The following NR3C2 variants were observed in gnomAD, a reference collection of about 807,000 sequenced individuals.
NR3C2 encodes mineralocorticoid receptor.
NR3C2 carries 15 observed loss-of-function variants against 86.4 expected under a neutral mutation model. The ratio of observed to expected loss-of-function variants is 0.17; its 90% confidence interval spans 0.12 to 0.27. The LOEUF is 0.27. Ranked by LOEUF, NR3C2 falls within the 10% of genes least tolerant of loss-of-function variation. The probability of loss-of-function intolerance (pLI) is 1.00; values close to 1 mark genes in which losing one functional copy is unlikely to be tolerated. For missense variants in NR3C2, 960 were observed against 1,195.6 expected, an observed-to-expected ratio of 0.80 and a Z score of 2.91; for synonymous variants, 458 against 450.5, an observed-to-expected ratio of 1.02 and a Z score of -0.21.
chr4:148,348,169 G>A (rs1003269372), intron 2 of NR3C2, among the ~76,000 whole-genome samples: 1 of 152,066 alleles, frequency 6.6e-6, no homozygotes, highest in Non-Finnish European at 1.5e-5. Flanking sequence ...TCATCTCAGA[G>A]CAGCCCGGTC....
chr4:148,223,627 C>G (rs915439618), intron 3 of NR3C2, among the ~76,000 whole-genome samples: 2 of 151,984 alleles, frequency 1.3e-5, no homozygotes, highest in African/African-American at 4.8e-5. Flanking sequence ...TTTAGGGATA[C>G]AGAAGAGTCT....
At chr4:148,278,013 T>C (rs1008645699) in intron 2 of NR3C2, among the ~76,000 whole-genome samples, 4 of 152,266 alleles carry the variant, frequency 2.6e-5, no homozygotes, top group African/African-American at 4.8e-5. Flanking sequence ...GATGGAATTC[T>C]ATGCTATTAA....
intron 2 of NR3C2, among the ~76,000 whole-genome samples, chr4:148,274,334 AAAT>A (rs2149888903): frequency 6.6e-6 from 1 of 152,330 alleles, no homozygotes; most frequent in Non-Finnish European, 1.5e-5. Flanking sequence ...TTTTCAAGAA[AAAT>A]AATGGCACAG....
intron 2 of NR3C2, among the ~76,000 whole-genome samples, chr4:148,311,056 A>G (rs1017317862): frequency 1.3e-5 from 2 of 152,088 alleles, no homozygotes; most frequent in Non-Finnish European, 1.5e-5. Flanking sequence ...TTCTTGAAAT[A>G]TGTTCTTTGT....
chr4:148,231,298 T>C (rs1406417219), intron 3 of NR3C2, among the ~76,000 whole-genome samples: 1 of 152,286 alleles, frequency 6.6e-6, no homozygotes, highest in Non-Finnish European at 1.5e-5. Context: ...GCTATAACCA[T>C]TGATAAATTC....
At chr4:148,346,070 G>A (rs547210492) in intron 2 of NR3C2, among the ~76,000 whole-genome samples, 1 of 152,206 alleles carries the variant, frequency 6.6e-6, no homozygotes, top group South Asian at 2.1e-4. Flanking sequence ...AGAAGTGAAG[G>A]AAAGCAAAGA....
chr4:148,094,697 A>G (rs1039910725), intron 8 of NR3C2, among the ~76,000 whole-genome samples: 4 of 151,584 alleles, frequency 2.6e-5, no homozygotes, highest in Admixed American at 2.6e-4. Flanking sequence ...CCTGGGCAAC[A>G]AGAGCAAAAC....
intron 2 of NR3C2, among the ~76,000 whole-genome samples, chr4:148,355,878 T>C (rs553106454): frequency 5.4e-4 from 82 of 152,334 alleles, no homozygotes; most frequent in African/African-American, 1.8e-3. Flanking sequence ...ACCTGCTACC[T>C]GACCCTGGCC....
At chr4:148,138,764 CAT>C (rs996851305) in intron 6 of NR3C2, among the ~76,000 whole-genome samples, 1 of 152,212 alleles carries the variant, frequency 6.6e-6, no homozygotes, top group African/African-American at 2.4e-5. Flanking sequence ...CCCCAAAGTA[CAT>C]GTGTTACAAA....
intron 4 of NR3C2, among the ~76,000 whole-genome samples, chr4:148,156,807 A>G (rs548919102): frequency 5.9e-5 from 9 of 152,346 alleles, no homozygotes; most frequent in South Asian, 2.1e-4. Context: ...ATTACTGGGT[A>G]TATATCCAAA....
chr4:148,183,507 G>C (rs1184168188), intron 4 of NR3C2, among the ~76,000 whole-genome samples: 2 of 152,108 alleles, frequency 1.3e-5, no homozygotes, highest in African/African-American at 4.8e-5. Flanking sequence ...TTTTAATGAT[G>C]GCCATTCTAA....
intron 8 of NR3C2, among the ~76,000 whole-genome samples, chr4:148,082,532 C>T (rs917055152): frequency 6.6e-6 from 1 of 152,092 alleles, no homozygotes; most frequent in African/African-American, 2.4e-5. Flanking sequence ...CATTCTGGCC[C>T]AGATACTACA....
intron 2 of NR3C2, among the ~76,000 whole-genome samples, chr4:148,371,202 C>A (rs955990599): frequency 6.6e-6 from 1 of 152,168 alleles, no homozygotes; most frequent in East Asian, 1.9e-4. Context: ...CAATTATACT[C>A]TTTGAGTTAT....
chr4:148,180,984 TG>T lies in NR3C2; in HGVS notation c.2014+13761del, dbSNP rs1735618062. On this transcript the variant is annotated intron_variant, in intron 4 of 8. Transcript: ENST00000358102. ...CAAAAGCAACCATGATGTCTGCTGT[TG>T]CTCCTGCTTCCTGTGTCTTAGATCC... Among the ~76,000 whole-genome samples the T allele has an allele frequency of 3.3e-5, 5 of 152,294 alleles. No homozygotes were observed. The South Asian group carries it at 1.0e-3, about 32-fold the overall frequency.
rs145423263 is a variant in NR3C2 at position 148,201,973 on chromosome 4, C to T, written c.1898-7111G>A. 3.4e-3 allele frequency among the ~76,000 whole-genome samples: 522 copies of T among 152,278 alleles called. 1 individual carries two copies. The highest frequency in any genetic ancestry group is 0.012 in the African/African-American group (481 of 41,572). ...AACCAGGTTCTGGAAGCCCCCAAAC[C>T]ACAGCAGACACCTACAAATACTCTT... On this transcript the variant is annotated intron_variant, in intron 3 of 8. Coordinates refer to ENST00000358102, the MANE Select transcript of NR3C2 (RefSeq NM_000901.5).
intron 8 of NR3C2, among the ~76,000 whole-genome samples, chr4:148,094,905 T>C (rs1731215645): frequency 1.3e-5 from 2 of 152,044 alleles, no homozygotes; most frequent in African/African-American, 4.8e-5. Context: ...TACAGCACCA[T>C]GAACCTCAAA....
intron 4 of NR3C2, among the ~76,000 whole-genome samples, chr4:148,182,842 T>A (rs1735706976): frequency 6.6e-6 from 1 of 152,222 alleles, no homozygotes; most frequent in African/African-American, 2.4e-5. Flanking sequence ...TATTATATTT[T>A]AAGTTCTAGG....
rs61761509 is a variant in NR3C2, at chr4:148,306,270, C to T, written c.1758-46153G>A. Among the ~76,000 whole-genome samples the T allele has an allele frequency of 3.1e-3, 477 of 152,284 alleles. 2 individuals carry two copies. The highest frequency in any genetic ancestry group is 5.0e-3 in the Non-Finnish European group (337 of 68,022). On this transcript the variant is annotated intron_variant, in intron 2 of 8. Transcript: ENST00000358102. ...ACCCCTTTTTTGAAACTCATCATAT[C>T]ACTCAGCTACAAATTATTATGCATA...
chr4:148,223,810 T>C (rs1290709905), intron 3 of NR3C2, among the ~76,000 whole-genome samples: 1 of 152,222 alleles, frequency 6.6e-6, no homozygotes, highest in East Asian at 1.9e-4. Flanking sequence ...GAAATAATCG[T>C]GATGTTATCA....
Sources: gnomAD v4.1 joint callset for allele counts (sites outside exome capture counted in the v4.1 genomes callset) on GRCh38, gnomAD v4.1.1 for gene constraint, MANE v1.5 for transcripts, NCBI Gene and HGNC (gene_info 2026-07-23, HGNC 2026-07-21) for gene names.